Variants in THRAP3 observed in about 807,000 individuals in gnomAD.
The protein encoded by THRAP3 is thyroid hormone receptor associated protein 3, also known as thyroid hormone receptor-associated protein 3.
A neutral mutation model predicts 101.0 loss-of-function variants in THRAP3; 16 were observed. The ratio of observed to expected loss-of-function variants is 0.16; its 90% CI spans 0.11 to 0.24. The LOEUF (loss-of-function observed/expected upper bound fraction) is 0.24. Among genes scored for constraint, THRAP3 ranks in the 10% least tolerant of loss-of-function variants. The pLI, the probability that THRAP3 is intolerant of heterozygous loss-of-function variation, is 1.00. For missense variants in THRAP3, 989 were observed against 1,202.7 expected (o/e 0.82, Z 2.63); for synonymous variants, 407 against 422.6 (o/e 0.96, Z 0.45).
intron 4 of THRAP3, chr1:36,288,310 C>T (rs2124604010): frequency 1.2e-6 from 1 of 868,806 alleles, no homozygotes; most frequent in East Asian, 1.2e-4. Context: ...TGCCCCCTCC[C>T]ATCCTTCTCC....
At chr1:36,220,918 T>C (rs536788541), upstream of THRAP3, among the ~76,000 whole-genome samples, 18 of 130,852 alleles carry the variant, frequency 1.4e-4, no homozygotes, top group Non-Finnish European at 2.6e-4. Context: ...ATCGCACTAC[T>C]GCACTCCAGC....
intron 1 of THRAP3, among the ~76,000 whole-genome samples, chr1:36,241,596 T>TTC (rs1319355224): frequency 1.9e-4 from 28 of 149,090 alleles, no homozygotes; most frequent in African/African-American, 6.3e-4. Context: ...TTTTTTTTTT[T>TTC]CAGACAGAGT....
At chr1:36,259,292 G>T (rs1190428207) in intron 1 of THRAP3, 90 bp from the exon 2 acceptor site, 2 of 396,604 alleles carry the variant, frequency 5.0e-6, no homozygotes, top group African/African-American at 4.1e-5. Context: ...GAGGGCTAAA[G>T]TAGGGTTTGT....
At position 36,274,801 on chromosome 1, in the gene THRAP3, T is replaced by A. The variant is rs372477589; in HGVS notation, c.-31-7732T>A. ...GCACGCGCCATCACGCCCAGCTAATTTTTGTATTTTTAGTAGAGACGGGGT... is the reference window on the plus strand; with the variant it reads ...GCACGCGCCATCACGCCCAGCTAATATTTGTATTTTTAGTAGAGACGGGGT... On this transcript the variant is annotated intron_variant, in intron 2 of 11. Transcript: ENST00000354618. Among the ~76,000 whole-genome samples, 153 of 151,306 alleles carry A rather than the reference T, an allele frequency of 1.0e-3. No homozygotes were observed. In the East Asian group the frequency reaches 0.012, roughly 12 times the overall value.
At chr1:36,254,603 G>A (rs1017604300) in intron 1 of THRAP3, among the ~76,000 whole-genome samples, 1 of 152,188 alleles carries the variant, frequency 6.6e-6, no homozygotes, top group Non-Finnish European at 1.5e-5. Flanking sequence ...GGCAGTCCCT[G>A]TTGCAGCTAC....
chr1:36,215,613 G>A, the THRAP3 span, among the ~76,000 whole-genome samples: 3 of 152,190 alleles, frequency 2.0e-5, no homozygotes, highest in East Asian at 5.8e-4. Flanking sequence ...CGTACATGTT[G>A]TAGGCTTTGC....
At chr1:36,227,482 A>T (rs547135379) in intron 1 of THRAP3, among the ~76,000 whole-genome samples, 1 of 152,004 alleles carries the variant, frequency 6.6e-6, no homozygotes, top group Non-Finnish European at 1.5e-5. Flanking sequence ...GTGTTTCTCC[A>T]TGTTGGTCAG....
rs1006784250 is a variant in THRAP3, at chr1:36,226,666, A to G, written c.-135+2161A>G. 2.0e-5 allele frequency among the ~76,000 whole-genome samples: 3 copies of G among 152,310 alleles called. No homozygotes were observed. The South Asian group carries it at 6.2e-4, about 32-fold the overall frequency. Reference sequence around the variant, plus strand: ...TCCTGAATGCAAGGAAGTCTGGTTAATGCTATTCTCTCAAATACAGGGTTT... The same window carrying G: ...TCCTGAATGCAAGGAAGTCTGGTTAGTGCTATTCTCTCAAATACAGGGTTT... On this transcript the variant is annotated intron_variant, in intron 1 of 11. Transcript: ENST00000354618.
intron 1 of THRAP3, among the ~76,000 whole-genome samples, chr1:36,239,606 G>T (rs1180324302): frequency 6.6e-6 from 1 of 152,060 alleles, no homozygotes; most frequent in East Asian, 1.9e-4. Flanking sequence ...TAAGGCCTTT[G>T]TTTCCCTGGT....
chr1:36,238,817 T>C (rs1557809495), intron 1 of THRAP3, among the ~76,000 whole-genome samples: 1 of 152,032 alleles, frequency 6.6e-6, no homozygotes, highest in Non-Finnish European at 1.5e-5. Context: ...GAAAGGTGAC[T>C]CCTGATCCTG....
chr1:36,270,638 C>T (rs138279588), intron 2 of THRAP3, among the ~76,000 whole-genome samples: 2,722 of 136,088 alleles, frequency 0.02, 84 homozygotes, highest in African/African-American at 0.071. Flanking sequence ...AGTGCAGTGG[C>T]GCAATCTTGG....
the THRAP3 span, among the ~76,000 whole-genome samples, chr1:36,213,973 GAA>G: frequency 0.014 from 1,213 of 85,382 alleles, 7 homozygotes; most frequent in Admixed American, 0.021. Flanking sequence ...GAAAGAGAAA[GAA>G]AGAAAGAAAG....
Position 36,305,186 on chromosome 1 carries a change from C to G in THRAP3, c.*1169C>G, listed in dbSNP as rs1646087129. 4.5e-6 allele frequency: 1 copy of G among 221,784 alleles called. No individual in the cohort carries two copies. The highest frequency in any genetic ancestry group is 5.8e-5 in the Admixed American group (1 of 17,342). 13.7% of individuals were successfully genotyped at this position (221,784 alleles called of 1,614,324 possible). On this transcript the variant is annotated 3_prime_UTR_variant, in exon 12 of 12. Coordinates refer to ENST00000354618, the MANE Select transcript of THRAP3 (RefSeq NM_005119.4). ...TATGCGGACTGCACCCACCTCTCCC[C>G]CCCAGCCTTTGCCTCTTGCGTTGTT...
Position 36,296,768 on chromosome 1 carries a change from G to C in THRAP3, c.2301G>C (p.Gln767His). 6.3e-7 allele frequency: 1 copy of C among 1,587,712 alleles called. No individual in the cohort carries two copies. Among genetic ancestry groups the C allele is most frequent in the South Asian group, 1.2e-5 (1 of 86,002 alleles). ...AAACTCATAAAGGATCAAAGAAACA[G>C]AAGTACGTAAGCCCCTGTTACCCCT... The part of the protein sequence containing the change: ...TEKTHKGSKK[Q>H]KKHRRARDRS... The change falls in exon 9 of 12, where the codon CAG becomes CAC. Residue 767 changes from glutamine (Q) to histidine (H), a missense_variant and splice_region_variant. By Grantham distance (24) the Gln-to-His change is conservative. Coordinates refer to ENST00000354618, the MANE Select transcript of THRAP3 (RefSeq NM_005119.4).
At position 36,289,439 on chromosome 1, in the gene THRAP3, C is replaced by G. The variant is rs141254021; in HGVS notation, c.1420C>G (p.Leu474Val). The stretch of plus-strand genomic sequence containing the variant: ...GGAGAAGTCAGGCAAATGGGAGGGC[C>G]TGGTATATGCACCTCCAGGGAAGGA... ...EEEKSGKWEG[L>V]VYAPPGKEKQ... The change falls in exon 5 of 12, where the codon CTG (leucine) becomes GTG (valine). Residue 474 changes from leucine (L) to valine (V), a missense_variant. By Grantham distance (32) the Leu-to-Val change is conservative. Transcript: ENST00000354618. The G allele has an allele frequency of 1.4e-3, 2,229 of 1,614,150 alleles. 19 individuals carry two copies. In the East Asian group the frequency reaches 0.023, roughly 17 times the overall value.
At chr1:36,227,189 G>A (rs137969650) in intron 1 of THRAP3, among the ~76,000 whole-genome samples, 2 of 152,266 alleles carry the variant, frequency 1.3e-5, no homozygotes, top group African/African-American at 4.8e-5. Context: ...GAGAGAGAAG[G>A]TTATTAGGGA....
At chr1:36,248,837 T>A (rs1421037400) in intron 1 of THRAP3, among the ~76,000 whole-genome samples, 2 of 152,112 alleles carry the variant, frequency 1.3e-5, no homozygotes, top group African/African-American at 4.8e-5. Context: ...GTACCAGGCA[T>A]TGCGTTAGGT....
chr1:36,236,456 CCTT>C (rs2124376519), intron 1 of THRAP3, among the ~76,000 whole-genome samples: 1 of 152,082 alleles, frequency 6.6e-6, no homozygotes, highest in South Asian at 2.1e-4. Flanking sequence ...TTCTTCCCTT[CCTT>C]CTTCCCCCTT....
At chr1:36,254,887 A>G (rs1003607169) in intron 1 of THRAP3, among the ~76,000 whole-genome samples, 1 of 152,214 alleles carries the variant, frequency 6.6e-6, no homozygotes, top group African/African-American at 2.4e-5. Flanking sequence ...TTGCCATCCC[A>G]TATTACAGAA....
Sources: allele counts gnomAD v4.1 joint callset (sites outside exome capture counted in the v4.1 genomes callset), GRCh38; gene constraint gnomAD v4.1.1; transcripts MANE v1.5; gene names NCBI Gene and HGNC (gene_info 2026-07-23, HGNC 2026-07-21).